The following TSNARE1 variants were observed in gnomAD, a reference collection of about 807,000 sequenced individuals.
TSNARE1 encodes t-SNARE domain containing 1, also known as t-SNARE domain-containing protein 1.
TSNARE1 carries 49 observed loss-of-function variants against 62.0 expected under a neutral mutation model. The observed-to-expected ratio is 0.79, with a 90% CI of 0.63 to 1.00. The LOEUF (loss-of-function observed/expected upper bound fraction) is 1.00, where lower values mean the gene tolerates loss of function less well. TSNARE1 is among the 50% of genes least tolerant of loss of function. TSNARE1 has a pLI of 0.00. For synonymous variants in TSNARE1, 328 were observed against 294.4 expected (o/e 1.11, Z -1.17); for missense variants, 755 against 700.1 (o/e 1.08, Z -0.88).
rs1412605568 is a variant in TSNARE1 at position 142,270,598 on chromosome 8, G to A, written c.1446+4183C>T. Reference sequence around the variant, plus strand: ...GAACCACGTAGGGCAGAGGAGCCCTGCCCTCCAAGTGTGCATGCCCACCAA... The same window carrying A: ...GAACCACGTAGGGCAGAGGAGCCCTACCCTCCAAGTGTGCATGCCCACCAA... On this transcript the variant is annotated intron_variant, in intron 12 of 13. Transcript: ENST00000524325. The A allele has an allele frequency of 3.0e-6, 3 of 985,122 alleles. No homozygotes were observed. The African/African-American group carries it at 5.2e-5, about 17-fold the overall frequency. 61.0% of individuals were successfully genotyped at this position (985,122 alleles called of 1,614,324 possible). A position where few individuals can be genotyped will look rare whatever the true frequency, so the allele number is the denominator to read the frequency against.
chr8:142,282,617 C>G (rs1239019470), intron 11 of TSNARE1, among the ~76,000 whole-genome samples: 10 of 92,304 alleles, frequency 1.1e-4, no homozygotes, highest in African/African-American at 3.8e-4. Context: ...GGGGAGGCCA[C>G]TGTCTGTCAA....
chr8:142,387,920 T>C (rs1837216602), intron 1 of TSNARE1, among the ~76,000 whole-genome samples: 1 of 152,220 alleles, frequency 6.6e-6, no homozygotes, highest in Non-Finnish European at 1.5e-5. Context: ...GCAACTATAA[T>C]GTTGATATCA....
At chr8:142,270,399 T>C (rs1188602452) in intron 12 of TSNARE1, 9 of 985,216 alleles carry the variant, frequency 9.1e-6, no homozygotes, top group Middle Eastern at 5.2e-4. Flanking sequence ...TTTATGCTTA[T>C]GTAAAAAAAT....
At position 142,364,487 on chromosome 8, in the gene TSNARE1, A is replaced by G. The variant is rs1309862183; in HGVS notation, c.-39-9724T>C. 2.6e-5 allele frequency among the ~76,000 whole-genome samples: 4 copies of G among 152,320 alleles called. No homozygotes were observed. In the East Asian group the frequency reaches 7.7e-4, roughly 29 times the overall value. On this transcript the variant is annotated intron_variant, in intron 1 of 13. Transcript: ENST00000524325. Reference sequence around the variant, plus strand: ...AGCTTTGTCCACTGAGAGGGCTGAGACACTACACACCCCCACAGCAATGGG... The same window carrying G: ...AGCTTTGTCCACTGAGAGGGCTGAGGCACTACACACCCCCACAGCAATGGG...
intron 1 of TSNARE1, among the ~76,000 whole-genome samples, chr8:142,396,218 T>A (rs1366345258): frequency 6.6e-6 from 1 of 151,880 alleles, no homozygotes; most frequent in African/African-American, 2.4e-5. Context: ...AGGGTCAGGC[T>A]CAGGCGATAA....
intron 13 of TSNARE1, among the ~76,000 whole-genome samples, chr8:142,227,062 C>G (rs552605530): frequency 1.2e-3 from 175 of 149,054 alleles, no homozygotes; most frequent in African/African-American, 4.3e-3. Context: ...AGGCCCCCCA[C>G]TGCACCCACA....
chr8:142,331,030 C>A, intron 5 of TSNARE1, 60 bp from the exon 6 acceptor site: 9 of 1,510,780 alleles, frequency 6.0e-6, no homozygotes, highest in Non-Finnish European at 8.3e-6. Flanking sequence ...CCCTGCTACT[C>A]CATATGGGTG....
At chr8:142,288,972 G>A (rs570206781) in intron 10 of TSNARE1, among the ~76,000 whole-genome samples, 10 of 152,306 alleles carry the variant, frequency 6.6e-5, no homozygotes, top group South Asian at 6.2e-4. Context: ...GCTGCATGCC[G>A]AGAGGTTCCC....
At chr8:142,345,475 A>T (rs1389045297) in intron 3 of TSNARE1, among the ~76,000 whole-genome samples, 1 of 152,194 alleles carries the variant, frequency 6.6e-6, no homozygotes, top group Non-Finnish European at 1.5e-5. Flanking sequence ...CAGAGCCCCC[A>T]GCGGGAGCAC....
Position 142,315,067 on chromosome 8 carries a change from GGACGCTCCTGCTGCA to G in TSNARE1, c.995_1009del (p.Leu332_Arg336del). 6.0e-5 allele frequency: 97 copies of G among 1,614,028 alleles called. No individual in the cohort carries two copies. The highest frequency in any genetic ancestry group is 4.4e-4 in the African/African-American group (33 of 74,922). On this transcript the variant is annotated inframe_deletion, in exon 8 of 14. Coordinates refer to ENST00000524325, the MANE Select transcript of TSNARE1 (RefSeq NM_145003.5). ...CTGGGTTTTCAGCCGGTCCAGCTGA[GGACGCTCCTGCTGCA>G]GACGCTCCTGCTGCAGAGAAGGTAC...
At chr8:142,329,173 T>G (rs1441232008) in intron 6 of TSNARE1, among the ~76,000 whole-genome samples, 3 of 152,130 alleles carry the variant, frequency 2.0e-5, no homozygotes, top group Non-Finnish European at 4.4e-5. Flanking sequence ...CACAGAAGGC[T>G]CTAGATAAGC....
intron 13 of TSNARE1, among the ~76,000 whole-genome samples, chr8:142,225,219 C>T (rs1018355871): frequency 4.0e-5 from 6 of 151,792 alleles, no homozygotes; most frequent in East Asian, 3.9e-4. Flanking sequence ...CCACCCTCCA[C>T]GGCTTCGCCT....
chr8:142,388,074 A>G (rs1333357693), intron 1 of TSNARE1, among the ~76,000 whole-genome samples: 1 of 152,198 alleles, frequency 6.6e-6, no homozygotes, highest in Non-Finnish European at 1.5e-5. Context: ...AGTGAAGTAT[A>G]ATCAAGGAAT....
chr8:142,226,478 G>A (rs1314195544), intron 13 of TSNARE1, among the ~76,000 whole-genome samples: 1 of 152,148 alleles, frequency 6.6e-6, no homozygotes, highest in African/African-American at 2.4e-5. Context: ...TTCTTCCGTG[G>A]ATCCTCTCCC....
chr8:142,362,896 T>G (rs1165992399), intron 1 of TSNARE1, among the ~76,000 whole-genome samples: 1 of 152,018 alleles, frequency 6.6e-6, no homozygotes, highest in Non-Finnish European at 1.5e-5. Flanking sequence ...TCTCAGAGGG[T>G]GGGTGTGAAG....
At chr8:142,225,595 C>T (rs1400865364) in intron 13 of TSNARE1, among the ~76,000 whole-genome samples, 1 of 152,192 alleles carries the variant, frequency 6.6e-6, no homozygotes, top group East Asian at 1.9e-4. Context: ...GCAGCTGGGC[C>T]GCCACACCTC....
At chr8:142,256,366 AT>A (rs1331601644) in intron 12 of TSNARE1, among the ~76,000 whole-genome samples, 144 of 141,376 alleles carry the variant, frequency 1.0e-3, no homozygotes, top group Admixed American at 1.3e-3. Context: ...TATCACCACC[AT>A]CATCACCACC....
chr8:142,216,450 G>A (rs557059262), intron 13 of TSNARE1, among the ~76,000 whole-genome samples: 9 of 152,300 alleles, frequency 5.9e-5, no homozygotes, highest in East Asian at 5.8e-4. Context: ...CTGGCCACAC[G>A]CTCGGGGGCC....
chr8:142,314,932 G>A lies in TSNARE1; in HGVS notation c.1074+71C>T. ...AGGCCCACAGGGACAAGACAGCCAT[G>A]ACAGTGCTCCGGGAACCGAGGCCGA... On this transcript the variant is annotated intron_variant, in intron 8 of 13. Transcript: ENST00000524325. The A allele has an allele frequency of 2.1e-6, 3 of 1,432,262 alleles. No homozygotes were observed. In the South Asian group the frequency reaches 3.4e-5, roughly 16 times the overall value. The allele number at this position is 1,432,262 out of a possible 1,614,324, so 88.7% of individuals were successfully genotyped here. A position where few individuals can be genotyped will look rare whatever the true frequency, so the allele number is the denominator to read the frequency against.
Sources: allele counts gnomAD v4.1 joint callset (sites outside exome capture counted in the v4.1 genomes callset), GRCh38; gene constraint gnomAD v4.1.1; transcripts MANE v1.5; gene names NCBI Gene and HGNC (gene_info 2026-07-23, HGNC 2026-07-21).